Variants in ANKRD27 observed in about 807,000 individuals in gnomAD.
ANKRD27 encodes ankyrin repeat domain 27.
In ANKRD27, 112 loss-of-function variants were observed where a neutral mutation model predicts 129.7. That is an observed-to-expected ratio of 0.86 (90% CI 0.74 to 1.01). The LOEUF (loss-of-function observed/expected upper bound fraction) is 1.01. ANKRD27 is among the 50% of genes least tolerant of loss of function. The pLI, the probability that ANKRD27 is intolerant of heterozygous loss-of-function variation, is 0.00. For missense variants in ANKRD27, 1,258 were observed against 1,300.5 expected, an observed-to-expected ratio of 0.97 and a Z score of 0.50; for synonymous variants, 516 against 511.2, an observed-to-expected ratio of 1.01 and a Z score of -0.13.
intron 13 of ANKRD27, among the ~76,000 whole-genome samples, chr19:32,629,161 T>G (rs957899527): frequency 2.0e-5 from 3 of 152,180 alleles, no homozygotes; most frequent in Non-Finnish European, 4.4e-5. Flanking sequence ...CCACAAGTGA[T>G]CCACCCATCT....
intron 16 of ANKRD27, 141 bp downstream of exon 16, chr19:32,626,571 C>T (rs1972094380): frequency 3.3e-6 from 2 of 609,916 alleles, no homozygotes; most frequent in Non-Finnish European, 2.8e-6. Context: ...ACTACTGCTG[C>T]AGCAGAGCTG....
intron 2 of ANKRD27, among the ~76,000 whole-genome samples, chr19:32,657,415 T>C (rs1314183855): frequency 1.3e-5 from 2 of 151,480 alleles, no homozygotes; most frequent in East Asian, 3.9e-4. Flanking sequence ...TGAGTCGAGA[T>C]TGCGCCACTG....
Position 32,646,533 on chromosome 19 carries a change from G to A in ANKRD27, c.296C>T (p.Thr99Ile), listed in dbSNP as rs199893660. The A allele has an allele frequency of 6.2e-6, 10 of 1,614,106 alleles. No individual in the cohort carries two copies. The highest frequency in any genetic ancestry group is 1.1e-5 in the South Asian group (1 of 91,072). The change falls in exon 4 of 29, where the codon ACT becomes ATT. Residue 99 changes from threonine (T) to isoleucine (I), a missense_variant. Thr to Ile is a moderately conservative substitution (Grantham distance 89, BLOSUM62 -1). Coordinates refer to ENST00000306065, the MANE Select transcript of ANKRD27 (RefSeq NM_032139.3). Reference sequence around the variant, plus strand: ...ACTCTCTTCTTTTTCATTGTAGAAAGTTTCTTCAAAGAGAATGGGCACTGA... The same window carrying A: ...ACTCTCTTCTTTTTCATTGTAGAAAATTTCTTCAAAGAGAATGGGCACTGA... ...LLSVPILFEE[T>I]FYNEKEESFS... is the part of the protein sequence containing the mutation.
At chr19:32,632,765 C>A (rs1967019501) in intron 12 of ANKRD27, among the ~76,000 whole-genome samples, 1 of 152,168 alleles carries the variant, frequency 6.6e-6, no homozygotes, top group South Asian at 2.1e-4. Flanking sequence ...CAGCCAGCGG[C>A]TGCCAGAAAA....
At chr19:32,630,029 T>C (rs941050768) in intron 13 of ANKRD27, among the ~76,000 whole-genome samples, 21 of 152,040 alleles carry the variant, frequency 1.4e-4, no homozygotes, top group African/African-American at 4.3e-4. Flanking sequence ...TAGCCTCCCA[T>C]ATAGCTGGGA....
Position 32,659,023 on chromosome 19 carries a change from T to A in ANKRD27, c.-8A>T. On this transcript the variant is annotated 5_prime_UTR_variant, in exon 2 of 29. Transcript: ENST00000306065. Reference sequence around the variant, plus strand: ...TTCATCATACAGAGCCATATGGACTTCAGATGGGTCAGAGCAAATCTCCTG... The same window carrying A: ...TTCATCATACAGAGCCATATGGACTACAGATGGGTCAGAGCAAATCTCCTG... 6.3e-7 allele frequency: 1 copy of A among 1,595,520 alleles called. No individual in the cohort carries two copies. The highest frequency in any genetic ancestry group is 1.1e-5 in the South Asian group (1 of 90,734).
chr19:32,600,136 A>T (rs919756875), intron 26 of ANKRD27, 86 bp from the exon 27 acceptor site: 6 of 1,034,712 alleles, frequency 5.8e-6, no homozygotes, highest in Non-Finnish European at 8.6e-6. Context: ...CAATCTTTCT[A>T]TTCTCAGATT....
In ANKRD27 at chr19:32,625,872, A is replaced by C; in HGVS notation, c.1629+2T>G. On this transcript the variant is annotated splice_donor_variant, in intron 17 of 28. Coordinates refer to ENST00000306065, the MANE Select transcript of ANKRD27 (RefSeq NM_032139.3). LOFTEE classifies it high-confidence loss of function. ...CCCCCCGGAACAGCAAGAGCCACTC[A>C]CGTCCTCGTGGCCGTAGGTGCAGGC... 3 of 1,590,510 alleles carry C rather than the reference A, an allele frequency of 1.9e-6. No individual in the cohort carries two copies. Among genetic ancestry groups the C allele is most frequent in the Non-Finnish European group, 2.6e-6 (3 of 1,170,864 alleles).
chr19:32,641,767 C>CTTT (rs757141453), intron 10 of ANKRD27, among the ~76,000 whole-genome samples: 4 of 21,218 alleles, frequency 1.9e-4, no homozygotes, highest in Non-Finnish European at 3.6e-4. Context: ...TTTACTTCTT[C>CTTT]TTTTTTTTTT....
At chr19:32,633,334 T>C (rs1007951733) in intron 12 of ANKRD27, among the ~76,000 whole-genome samples, 1 of 37,398 alleles carries the variant, frequency 2.7e-5, no homozygotes, top group Non-Finnish European at 8.7e-5. Context: ...TTTATCTGTT[T>C]TTTTTTTTTT....
intron 24 of ANKRD27, among the ~76,000 whole-genome samples, chr19:32,604,845 G>A (rs1022603657): frequency 2.0e-5 from 3 of 152,052 alleles, no homozygotes; most frequent in African/African-American, 4.8e-5. Context: ...ATCACCTGAG[G>A]TCAGGAGTTC....
chr19:32,669,207 T>G (rs1329610100), intron 1 of ANKRD27, among the ~76,000 whole-genome samples: 1 of 152,190 alleles, frequency 6.6e-6, no homozygotes, highest in Non-Finnish European at 1.5e-5. Flanking sequence ...AGAACTGTCT[T>G]GGCTGCAGGT....
intron 23 of ANKRD27, among the ~76,000 whole-genome samples, chr19:32,606,264 CG>C (rs1301067523): frequency 6.6e-6 from 1 of 151,538 alleles, no homozygotes; most frequent in African/African-American, 2.4e-5. Flanking sequence ...CTGATTCTCA[CG>C]CCTCAGCCTC....
At chr19:32,646,271 T>C (rs1967301196) in intron 4 of ANKRD27, among the ~76,000 whole-genome samples, 188 bp downstream of exon 4, 1 of 151,522 alleles carries the variant, frequency 6.6e-6, no homozygotes, top group African/African-American at 2.4e-5. Context: ...GGTCTCACTA[T>C]GTTTCCAGGC....
chr19:32,639,319 C>A (rs1967149093), intron 12 of ANKRD27, 37 bp downstream of exon 12: 3 of 1,613,010 alleles, frequency 1.9e-6, no homozygotes, highest in Non-Finnish European at 2.5e-6. Flanking sequence ...AACCATGATG[C>A]CCACAAAGGA....
intron 12 of ANKRD27, 42 bp downstream of exon 12, chr19:32,639,314 T>C: frequency 1.9e-6 from 3 of 1,613,096 alleles, no homozygotes; most frequent in Non-Finnish European, 1.7e-6. Flanking sequence ...AAGGGAACCA[T>C]GATGCCCACA....
At chr19:32,642,629 C>T (rs1436413023) in intron 9 of ANKRD27, among the ~76,000 whole-genome samples, 1 of 151,994 alleles carries the variant, frequency 6.6e-6, no homozygotes, top group African/African-American at 2.4e-5. Flanking sequence ...TCCCGCTACT[C>T]GGGAGGCTGA....
chr19:32,639,202 T>C, intron 12 of ANKRD27, 154 bp downstream of exon 12: 2 of 858,178 alleles, frequency 2.3e-6, no homozygotes, highest in Non-Finnish European at 3.6e-6. Context: ...TTCTCTTCAC[T>C]GAGTGATTTT....
At chr19:32,616,978 T>C (rs1305355672) in intron 21 of ANKRD27, among the ~76,000 whole-genome samples, 6 of 152,264 alleles carry the variant, frequency 3.9e-5, no homozygotes, top group South Asian at 2.1e-4. Context: ...GAGCCCACAC[T>C]CTGTGCCTCG....
Sources: gnomAD v4.1 joint callset for allele counts (sites outside exome capture counted in the v4.1 genomes callset) on GRCh38, gnomAD v4.1.1 for gene constraint, MANE v1.5 for transcripts, NCBI Gene and HGNC (gene_info 2026-07-23, HGNC 2026-07-21) for gene names.